Variants in XRCC6 observed in about 807,000 individuals in gnomAD.
The protein encoded by XRCC6 is X-ray repair cross complementing 6.
In XRCC6, 5 loss-of-function variants were observed where a neutral mutation model predicts 65.7. That is an observed-to-expected ratio of 0.08 (90% CI 0.04 to 0.16). XRCC6 has a LOEUF of 0.16. Ranked by LOEUF, XRCC6 falls within the 10% of genes least tolerant of loss-of-function variation. The probability of loss-of-function intolerance (pLI) is 1.00; values close to 1 mark genes in which losing one functional copy is unlikely to be tolerated. For synonymous variants in XRCC6, 270 were observed against 270.6 expected (o/e 1.00, Z 0.02); for missense variants, 447 against 738.1 (o/e 0.61, Z 4.57).
chr22:41,627,195 A>G (rs1463217470), intron 2 of XRCC6, among the ~76,000 whole-genome samples: 1 of 152,218 alleles, frequency 6.6e-6, no homozygotes, highest in Non-Finnish European at 1.5e-5. Flanking sequence ...GTATCTGTAG[A>G]TGAAGAGGCT....
chr22:41,623,886 C>T (rs2067639526), intron 2 of XRCC6, among the ~76,000 whole-genome samples: 1 of 152,012 alleles, frequency 6.6e-6, no homozygotes, highest in Non-Finnish European at 1.5e-5. Context: ...CCACACTCGG[C>T]TAATTTTTGT....
At chr22:41,639,286 A>C (rs1251307560) in intron 6 of XRCC6, among the ~76,000 whole-genome samples, 2 of 144,186 alleles carry the variant, frequency 1.4e-5, no homozygotes, top group African/African-American at 2.5e-5. Context: ...CTGATTTCTT[A>C]TAAACCTGAG....
At chr22:41,640,057 T>A (rs1380228114) in intron 6 of XRCC6, among the ~76,000 whole-genome samples, 1 of 152,074 alleles carries the variant, frequency 6.6e-6, no homozygotes, top group Admixed American at 6.6e-5. Flanking sequence ...TAAGAGACGG[T>A]GTCTCACTCT....
At chr22:41,628,278 G>A in intron 3 of XRCC6, 48 bp downstream of exon 3, 1 of 1,510,610 alleles carries the variant, frequency 6.6e-7, no homozygotes, top group Non-Finnish European at 9.1e-7. Flanking sequence ...AGTATTGGCT[G>A]GGCATGGTGG....
chr22:41,645,698 C>CTT (rs909409152), intron 6 of XRCC6, among the ~76,000 whole-genome samples: 1,541 of 135,048 alleles, frequency 0.011, 28 homozygotes, highest in African/African-American at 0.04. Flanking sequence ...ATTCTTTCTT[C>CTT]TTTTTTTTTT....
At chr22:41,651,933 G>A (rs546664044) in intron 8 of XRCC6, among the ~76,000 whole-genome samples, 1 of 151,942 alleles carries the variant, frequency 6.6e-6, no homozygotes, top group African/African-American at 2.4e-5. Flanking sequence ...ACAGGTGCAC[G>A]CCACCACGCC....
chr22:41,631,344 G>C (rs1417129839), intron 3 of XRCC6, among the ~76,000 whole-genome samples: 1 of 151,308 alleles, frequency 6.6e-6, no homozygotes, highest in Non-Finnish European at 1.5e-5. Flanking sequence ...GGTGGCTGCC[G>C]GGCGGAGGGG....
rs1372487654 is a variant in XRCC6 at position 41,656,907 on chromosome 22, C to T, written c.1296C>T (p.Phe432=). 6.2e-7 allele frequency: 1 copy of T among 1,613,112 alleles called. No individual in the cohort carries two copies. Among genetic ancestry groups the T allele is most frequent in the Non-Finnish European group, 8.5e-7 (1 of 1,179,932 alleles). The change falls in exon 10 of 13, where the codon TTC becomes TTT. Residue 432 remains phenylalanine, a synonymous_variant. Coordinates refer to ENST00000360079, the MANE Select transcript of XRCC6 (RefSeq NM_001469.5). ...DQKIQVTPPG[F]QLVFLPFADD... Reference sequence around the variant, plus strand: ...AAATTTATCTCCTTTCTTCAGGCTTCCAGCTGGTCTTTTTACCCTTTGCTG... The same window carrying T: ...AAATTTATCTCCTTTCTTCAGGCTTTCAGCTGGTCTTTTTACCCTTTGCTG...
intron 6 of XRCC6, among the ~76,000 whole-genome samples, chr22:41,638,646 G>C (rs1191208590): frequency 3.3e-5 from 5 of 151,858 alleles, no homozygotes; most frequent in African/African-American, 9.7e-5. Flanking sequence ...TTAGCTGGAC[G>C]TGATGGCGCG....
At chr22:41,656,215 C>CAAAAAAAAAAAAAAA (rs132783) in intron 9 of XRCC6, among the ~76,000 whole-genome samples, 1 of 127,216 alleles carries the variant, frequency 7.9e-6, no homozygotes. Flanking sequence ...GATCCTGTCT[C>CAAAAAAAAAAAAAAA]AAAAAAAAAA....
chr22:41,652,472 T>C (rs1338130935), intron 8 of XRCC6, among the ~76,000 whole-genome samples: 1 of 151,554 alleles, frequency 6.6e-6, no homozygotes, highest in Non-Finnish European at 1.5e-5. Context: ...CTCAGGTGAT[T>C]TCCCACCTCA....
At chr22:41,632,144 G>C (rs926917663) in intron 3 of XRCC6, among the ~76,000 whole-genome samples, 2 of 151,876 alleles carry the variant, frequency 1.3e-5, no homozygotes, top group Non-Finnish European at 2.9e-5. Flanking sequence ...GAGACCGTGG[G>C]GAGAGGGAGA....
intron 2 of XRCC6, among the ~76,000 whole-genome samples, chr22:41,623,632 C>T (rs1477410365): frequency 6.6e-6 from 1 of 152,064 alleles, no homozygotes; most frequent in Non-Finnish European, 1.5e-5. Flanking sequence ...TGTGATCCGC[C>T]CTACTCAGCA....
chr22:41,653,042 G>A (rs546067262), intron 8 of XRCC6, among the ~76,000 whole-genome samples: 1 of 152,138 alleles, frequency 6.6e-6, no homozygotes, highest in South Asian at 2.1e-4. Context: ...TTTCCTTTCT[G>A]TGTCTCTGCT....
chr22:41,635,600 G>T (rs1601535772), intron 3 of XRCC6, among the ~76,000 whole-genome samples: 1 of 152,000 alleles, frequency 6.6e-6, no homozygotes, highest in East Asian at 1.9e-4. Context: ...GACTGTAGTG[G>T]TGCAGTCTCT....
In XRCC6 at chr22:41,623,761, C is replaced by T. The variant is rs1045620867; in HGVS notation, c.82+1675C>T. Among the ~76,000 whole-genome samples the T allele has an allele frequency of 7.8e-4, 118 of 152,044 alleles. 2 individuals are homozygous for T. Among genetic ancestry groups the T allele is most frequent in the African/African-American group, 2.6e-3 (108 of 41,468 alleles). On this transcript the variant is annotated intron_variant, in intron 2 of 12. Transcript: ENST00000360079. ...ATTGAGACAGAGTCTTGCTCTGTCG[C>T]CCAGGCTGGAGTGCACTGACTCAAT...
At position 41,649,140 on chromosome 22, in the gene XRCC6, AT is replaced by A. The variant is rs1292091967; in HGVS notation, c.961-1582del. On this transcript the variant is annotated intron_variant, in intron 7 of 12. Transcript: ENST00000360079. ...GGAAGAGAGTACAAAAAAAAAAAAA[AT>A]ATATATATATATATATATATATGTA... Among the ~76,000 whole-genome samples, 255 of 92,776 alleles carry A rather than the reference AT, an allele frequency of 2.7e-3. 3 individuals are homozygous for A. The highest frequency in any genetic ancestry group is 5.1e-3 in the South Asian group (13 of 2,554). 60.9% of individuals were successfully genotyped at this position (92,776 alleles called of 152,430 possible).
chr22:41,658,918 A>T (rs1319685130), intron 11 of XRCC6, among the ~76,000 whole-genome samples: 1 of 152,216 alleles, frequency 6.6e-6, no homozygotes, highest in Non-Finnish European at 1.5e-5. Flanking sequence ...TGACAGAGCG[A>T]GACGCTGTCT....
At chr22:41,635,385 T>A (rs1340501052) in intron 3 of XRCC6, among the ~76,000 whole-genome samples, 1 of 152,172 alleles carries the variant, frequency 6.6e-6, no homozygotes, top group African/African-American at 2.4e-5. Context: ...GTATATAAAC[T>A]CTGTTTCCTG....
Sources: allele counts gnomAD v4.1 joint callset (sites outside exome capture counted in the v4.1 genomes callset), GRCh38; gene constraint gnomAD v4.1.1; transcripts MANE v1.5; gene names NCBI Gene and HGNC (gene_info 2026-07-23, HGNC 2026-07-21).